The following TFCP2L1 variants were observed in gnomAD, a reference collection of about 807,000 sequenced individuals.
TFCP2L1 encodes transcription factor CP2 like 1.
TFCP2L1 carries 12 observed loss-of-function variants against 72.2 expected under a neutral mutation model. The observed-to-expected ratio is 0.17, with a 90% CI of 0.11 to 0.27. TFCP2L1 has a LOEUF of 0.27. Ranked by LOEUF, TFCP2L1 falls within the 10% of genes least tolerant of loss-of-function variation. The pLI is 1.00. For missense variants in TFCP2L1, 488 were observed against 624.6 expected (o/e 0.78, Z 2.33); for synonymous variants, 260 against 251.0 (o/e 1.04, Z -0.34).
At chr2:121,279,283 C>A (rs1228289298) in intron 2 of TFCP2L1, among the ~76,000 whole-genome samples, 2 of 152,208 alleles carry the variant, frequency 1.3e-5, no homozygotes, top group Non-Finnish European at 2.9e-5. Flanking sequence ...AGGTGCATAA[C>A]CAGTTGGTAG....
At chr2:121,240,837 G>A (rs1686353062) in intron 7 of TFCP2L1, 1 of 766,300 alleles carries the variant, frequency 1.3e-6, no homozygotes, top group Admixed American at 6.3e-5. Flanking sequence ...CGGGCCGTGG[G>A]GGAGGCAGGT....
At chr2:121,253,562 T>TAC (rs1186505474) in intron 2 of TFCP2L1, among the ~76,000 whole-genome samples, 14 of 152,150 alleles carry the variant, frequency 9.2e-5, no homozygotes, top group Non-Finnish European at 2.1e-4. Context: ...AGGTGGTCAT[T>TAC]AAGTGAGTTT....
At chr2:121,260,652 C>T (rs909725679) in intron 2 of TFCP2L1, among the ~76,000 whole-genome samples, 3 of 152,192 alleles carry the variant, frequency 2.0e-5, no homozygotes, top group East Asian at 3.9e-4. Context: ...GGGATAACTC[C>T]ACCAGGCCAT....
At chr2:121,239,952 C>A (rs1686332469) in intron 7 of TFCP2L1, 1 of 761,026 alleles carries the variant, frequency 1.3e-6, no homozygotes, top group African/African-American at 1.9e-5. Context: ...ATTCTTGGGT[C>A]CACGAGAGAG....
At chr2:121,266,144 C>CT (rs35281668) in intron 2 of TFCP2L1, among the ~76,000 whole-genome samples, 76 of 145,678 alleles carry the variant, frequency 5.2e-4, no homozygotes, top group East Asian at 2.0e-3. Context: ...GGGATTTAAT[C>CT]TTTTTTTTTT....
intron 8 of TFCP2L1, 89 bp from the exon 9 acceptor site, chr2:121,237,939 C>T: frequency 7.3e-7 from 1 of 1,361,208 alleles, no homozygotes; most frequent in Non-Finnish European, 1.0e-6. Context: ...ACTTTTACTT[C>T]CTATCAGATG....
intron 2 of TFCP2L1, among the ~76,000 whole-genome samples, chr2:121,259,699 G>A (rs2104727177): frequency 6.6e-6 from 1 of 152,306 alleles, no homozygotes; most frequent in Middle Eastern, 3.4e-3. Flanking sequence ...AAGTTGCTGA[G>A]TATGTACACA....
At chr2:121,240,498 C>T in intron 7 of TFCP2L1, 1 of 985,324 alleles carries the variant, frequency 1.0e-6, no homozygotes, top group Non-Finnish European at 1.2e-6. Flanking sequence ...AGTGTGGGCT[C>T]GAATTTGTTG....
chr2:121,246,721 T>C (rs1011095524), intron 6 of TFCP2L1, 97 bp downstream of exon 6: 133 of 1,505,372 alleles, frequency 8.8e-5, no homozygotes, highest in Admixed American at 2.3e-4. Context: ...CGTTCCTCGC[T>C]GGGCCTGTAA....
At position 121,281,173 on chromosome 2, in the gene TFCP2L1, G is replaced by A. The variant is rs552853138; in HGVS notation, c.161C>T (p.Ala54Val). 6.2e-7 allele frequency: 1 copy of A among 1,613,746 alleles called. No homozygotes were observed. Among genetic ancestry groups the A allele is most frequent in the African/African-American group, 1.3e-5 (1 of 74,980 alleles). Residue 54 changes from alanine to valine, a missense_variant, in exon 2 of 15, where the codon GCC becomes GTC. This residue lies in a region of TFCP2L1 where 129 missense variants were observed against 236.0 expected (regional missense o/e 0.55). Coordinates refer to ENST00000263707, the MANE Select transcript of TFCP2L1 (RefSeq NM_014553.3). ...ATGCAGCTTCACGGCTGGGGACGTG[G>A]CAGCACACAACACATATTGCAGGGG... The part of the protein sequence containing the change: ...LPPLQYVLCA[A>V]TSPAVKLHEE...
At chr2:121,274,771 C>T (rs1232418972) in intron 2 of TFCP2L1, among the ~76,000 whole-genome samples, 1 of 151,932 alleles carries the variant, frequency 6.6e-6, no homozygotes, top group Non-Finnish European at 1.5e-5. Context: ...ATAGTGGGAT[C>T]TTGTATCTAC....
At chr2:121,264,908 T>C (rs960622607) in intron 2 of TFCP2L1, among the ~76,000 whole-genome samples, 5 of 152,188 alleles carry the variant, frequency 3.3e-5, no homozygotes, top group Non-Finnish European at 1.5e-5. Context: ...TAAAATAGTA[T>C]AGCTGCTTTG....
chr2:121,273,567 C>T (rs1687088244), intron 2 of TFCP2L1, among the ~76,000 whole-genome samples: 2 of 152,208 alleles, frequency 1.3e-5, no homozygotes, highest in Admixed American at 1.3e-4. Context: ...ATGAAACACA[C>T]ATGTCCAAGC....
chr2:121,252,832 A>C (rs765993662), intron 2 of TFCP2L1, among the ~76,000 whole-genome samples: 3 of 152,216 alleles, frequency 2.0e-5, no homozygotes, highest in Non-Finnish European at 4.4e-5. Flanking sequence ...CAGAAAACAA[A>C]TACACTCCCA....
Position 121,239,603 on chromosome 2 carries a change from G to A in TFCP2L1, c.815C>T (p.Ser272Phe), listed in dbSNP as rs371778493. ...DVAYQVNSAP[S>F]PSYNGSPNSF... ...GTTTGGAGAACCATTGTAGCTTGGG[G>A]ACGGGGCGCTGTTCACCTGGTAGGC... Residue 272 changes from serine (S) to phenylalanine (F), a missense_variant, in exon 8 of 15, where the codon TCC (serine) becomes TTC (phenylalanine). Around this residue, in one of 3 missense-constraint regions of TFCP2L1, gnomAD observed 286 missense variants for 329.0 expected, o/e 0.87. Coordinates refer to ENST00000263707, the MANE Select transcript of TFCP2L1 (RefSeq NM_014553.3). 1.9e-6 allele frequency: 3 copies of A among 1,614,102 alleles called. No homozygotes were observed. Among genetic ancestry groups the A allele is most frequent in the African/African-American group, 2.7e-5 (2 of 74,936 alleles).
chr2:121,227,718 A>AACACAC (rs764761280), intron 13 of TFCP2L1, among the ~76,000 whole-genome samples: 1 of 39,884 alleles, frequency 2.5e-5, no homozygotes, highest in Admixed American at 2.3e-4. Flanking sequence ...ATAAACATAC[A>AACACAC]ATACACACAC....
intron 1 of TFCP2L1, among the ~76,000 whole-genome samples, chr2:121,284,222 G>A (rs1221356403): frequency 2.0e-5 from 3 of 152,114 alleles, no homozygotes; most frequent in Non-Finnish European, 4.4e-5. Flanking sequence ...GTTAAATTAG[G>A]CACATTTCAT....
chr2:121,232,548 A>G (rs1164004105), intron 12 of TFCP2L1, among the ~76,000 whole-genome samples: 1 of 152,214 alleles, frequency 6.6e-6, no homozygotes, highest in Non-Finnish European at 1.5e-5. Context: ...TGAAGGGAGT[A>G]TCAGGCAATT....
intron 13 of TFCP2L1, among the ~76,000 whole-genome samples, chr2:121,226,885 C>T (rs1408864331): frequency 6.6e-6 from 1 of 152,194 alleles, no homozygotes; most frequent in African/African-American, 2.4e-5. Context: ...CATTCTCCTA[C>T]AAGTCATGAG....
Sources: gnomAD v4.1 joint callset for allele counts (sites outside exome capture counted in the v4.1 genomes callset) on GRCh38, gnomAD v4.1.1 for gene constraint, gnomAD v4.1.1 regional missense constraint, MANE v1.5 for transcripts, NCBI Gene and HGNC (gene_info 2026-07-23, HGNC 2026-07-21) for gene names.